VAV2: variants seen among roughly 807,000 people sequenced by gnomAD.
VAV2 encodes the protein guanine nucleotide exchange factor VAV2.
In VAV2, 67 loss-of-function variants were observed where a neutral mutation model predicts 132.5. The observed-to-expected ratio is 0.51, with a 90% CI of 0.42 to 0.62. The LOEUF is 0.62. VAV2 is among the 20% of genes least tolerant of loss of function. VAV2 has a pLI of 0.00. For synonymous variants in VAV2, 492 were observed against 443.5 expected, an observed-to-expected ratio of 1.11 and a Z score of -1.37; for missense variants, 938 against 1,153.6, an observed-to-expected ratio of 0.81 and a Z score of 2.71.
At position 133,970,731 on chromosome 9, in the gene VAV2, T is replaced by C. The variant is rs572132069; in HGVS notation, c.204+21344A>G. 3.3e-5 allele frequency among the ~76,000 whole-genome samples: 5 copies of C among 152,184 alleles called. No homozygotes were observed. The South Asian group carries it at 1.0e-3, about 32-fold the overall frequency. ...GGCAGGCAGCAGAAAGCCTCGGGCC[T>C]GTCACCTGCCCCACAGCCTCTCGTG... On this transcript the variant is annotated intron_variant, in intron 1 of 29. Coordinates refer to ENST00000371850, the MANE Select transcript of VAV2 (RefSeq NM_001134398.2).
chr9:133,890,965 G>C (rs1838907640), intron 2 of VAV2, among the ~76,000 whole-genome samples: 3 of 152,110 alleles, frequency 2.0e-5, no homozygotes. Context: ...TTTCACACCT[G>C]ATAAACAAAA....
At chr9:133,975,667 C>G (rs1433610004) in intron 1 of VAV2, among the ~76,000 whole-genome samples, 1 of 152,190 alleles carries the variant, frequency 6.6e-6, no homozygotes, top group Non-Finnish European at 1.5e-5. Context: ...CCTGGCATGG[C>G]CAAGGGAAGC....
chr9:133,870,912 GTGGA>G (rs58400843), intron 2 of VAV2, among the ~76,000 whole-genome samples: 3 of 128,430 alleles, frequency 2.3e-5, no homozygotes, highest in Non-Finnish European at 4.9e-5. Flanking sequence ...GGGTGGGTGG[GTGGA>G]TGGATGGATG....
At chr9:133,838,482 G>T (rs1288829107) in intron 3 of VAV2, among the ~76,000 whole-genome samples, 1 of 102,042 alleles carries the variant, frequency 9.8e-6, no homozygotes, top group Non-Finnish European at 2.0e-5. Flanking sequence ...TGGGTGGATG[G>T]GTGGATGGAT....
intron 2 of VAV2, among the ~76,000 whole-genome samples, chr9:133,894,415 T>G (rs1839113181): frequency 6.6e-6 from 1 of 152,114 alleles, no homozygotes; most frequent in South Asian, 2.1e-4. Flanking sequence ...AGGAACACTG[T>G]GGCCACAGGA....
intron 12 of VAV2, among the ~76,000 whole-genome samples, chr9:133,793,937 C>G (rs192312312): frequency 6.6e-6 from 1 of 152,208 alleles, no homozygotes. Flanking sequence ...CTTCTAAAAT[C>G]CCCCCAGCCC....
intron 1 of VAV2, among the ~76,000 whole-genome samples, chr9:133,986,598 C>A (rs967806414): frequency 1.4e-4 from 22 of 152,198 alleles, no homozygotes; most frequent in Non-Finnish European, 2.6e-4. Context: ...CGCACTGATG[C>A]CCCATACTTA....
Position 133,834,239 on chromosome 9 carries a change from C to G in VAV2, c.449+33G>C, listed in dbSNP as rs1836373008. On this transcript the variant is annotated intron_variant, in intron 4 of 29. Transcript: ENST00000371850. This position sits in a 1 kb window ranked among gnomAD's most constrained non-coding sequence, Gnocchi z 5.9. ...CCAGGAACCTCCCTGCCCCTCCCTC[C>G]TCTCCATCCCTCCTCCCATCCCCCC... 6.3e-7 allele frequency: 1 copy of G among 1,590,858 alleles called. No individual in the cohort carries two copies. The highest frequency in any genetic ancestry group is 8.6e-7 in the Non-Finnish European group (1 of 1,167,336).
intron 1 of VAV2, among the ~76,000 whole-genome samples, chr9:133,977,800 C>T (rs1842561451): frequency 6.6e-6 from 1 of 152,210 alleles, no homozygotes. Flanking sequence ...CCTCAAAACT[C>T]GGGGGAGCAG....
intron 2 of VAV2, among the ~76,000 whole-genome samples, chr9:133,873,278 G>A (rs886644313): frequency 3.9e-5 from 6 of 152,182 alleles, no homozygotes; most frequent in African/African-American, 1.2e-4. Flanking sequence ...CGCCAGAGCT[G>A]GGATCAAGTC....
At chr9:133,847,643 G>A (rs1271602352) in intron 3 of VAV2, among the ~76,000 whole-genome samples, 1 of 152,174 alleles carries the variant, frequency 6.6e-6, no homozygotes, top group Non-Finnish European at 1.5e-5. Flanking sequence ...ACTTGAGGAC[G>A]TCAGATAAAG....
intron 2 of VAV2, among the ~76,000 whole-genome samples, chr9:133,907,464 G>A (rs1309608228): frequency 6.6e-6 from 1 of 152,236 alleles, no homozygotes; most frequent in Non-Finnish European, 1.5e-5. Context: ...GACCTTGGTG[G>A]CCTGGAGACA....
chr9:133,764,251 G>C, intron 29 of VAV2, 142 bp from the exon 30 acceptor site: 2 of 1,037,852 alleles, frequency 1.9e-6, no homozygotes, highest in Admixed American at 2.2e-5. Context: ...AGAAGGACCT[G>C]GTGGAACCAT....
At chr9:133,915,748 AC>A (rs1840056504) in intron 2 of VAV2, among the ~76,000 whole-genome samples, 1 of 150,842 alleles carries the variant, frequency 6.6e-6, no homozygotes, top group Non-Finnish European at 1.5e-5. Flanking sequence ...ACACATACAC[AC>A]ACGATGCACA....
rs534412645 is a variant in VAV2 at position 133,883,074 on chromosome 9, C to T, written c.322-21642G>A. The stretch of plus-strand genomic sequence containing the variant: ...GGCCCTCTTTCCCAGGGAACAACCT[C>T]CCCAGGCTCCATCCCTATGTCCCCA... On this transcript the variant is annotated intron_variant, in intron 2 of 29. Transcript: ENST00000371850. This position sits in a 1 kb window ranked among gnomAD's most constrained non-coding sequence, Gnocchi z 4.2. Among the ~76,000 whole-genome samples, 15 of 152,180 alleles carry T rather than the reference C, an allele frequency of 9.9e-5. No homozygotes were observed. In the South Asian group the frequency reaches 3.1e-3, roughly 32 times the overall value.
Position 133,788,301 on chromosome 9 carries a change from C to A in VAV2, c.1407+53G>T. ...CTGGGGTCTGGAACCCAGTGCCTCT[C>A]TCCAGGCCACCCCCACGTTCCTGGG... is the stretch of plus-strand genomic sequence containing the variant. On this transcript the variant is annotated intron_variant, in intron 15 of 29. Coordinates refer to ENST00000371850, the MANE Select transcript of VAV2 (RefSeq NM_001134398.2). The surrounding 1 kb of genome is among the most constrained non-coding windows in gnomAD (Gnocchi z 5.3). 1 of 1,459,494 alleles carries A rather than the reference C, an allele frequency of 6.9e-7. No individual in the cohort carries two copies. Among genetic ancestry groups the A allele is most frequent in the South Asian group, 1.1e-5 (1 of 88,730 alleles). The allele number at this position is 1,459,494 out of a possible 1,614,324, so 90.4% of individuals were successfully genotyped here.
At chr9:133,894,066 C>T (rs915086617) in intron 2 of VAV2, among the ~76,000 whole-genome samples, 1 of 152,222 alleles carries the variant, frequency 6.6e-6, no homozygotes, top group African/African-American at 2.4e-5. Context: ...GAATCCATCC[C>T]CCACTCCCCG....
At chr9:133,778,313 C>T (rs1345243445) in intron 22 of VAV2, among the ~76,000 whole-genome samples, 1 of 152,132 alleles carries the variant, frequency 6.6e-6, no homozygotes, top group Non-Finnish European at 1.5e-5. Flanking sequence ...GGGGAAGGAG[C>T]GAACCTGCCC....
chr9:133,781,931 T>C (rs2510264), intron 19 of VAV2, among the ~76,000 whole-genome samples: 117,156 of 151,950 alleles, frequency 0.77, 46,696 homozygotes, highest in East Asian at 0.98. Context: ...TTCAAAACCA[T>C]ACAGAGATGG....
Sources: allele counts gnomAD v4.1 joint callset (sites outside exome capture counted in the v4.1 genomes callset), GRCh38; gene constraint gnomAD v4.1.1; non-coding constraint Gnocchi (gnomAD v3.1); transcripts MANE v1.5; gene names NCBI Gene and HGNC (gene_info 2026-07-23, HGNC 2026-07-21).